PGM5: variants seen among roughly 807,000 people sequenced by gnomAD.
PGM5 encodes the protein phosphoglucomutase-like protein 5.
In PGM5, 23 loss-of-function variants were observed where a neutral mutation model predicts 59.2. The ratio of observed to expected loss-of-function variants is 0.39; its 90% confidence interval spans 0.28 to 0.55. PGM5 has a LOEUF of 0.55. Among genes scored for constraint, PGM5 ranks in the 20% least tolerant of loss-of-function variants. The pLI is 0.66. For missense variants in PGM5, 574 were observed against 748.3 expected (o/e 0.77, Z 2.72); for synonymous variants, 214 against 286.0 (o/e 0.75, Z 2.54).
chr9:68,401,917 GTGTGTGTGTGTGTA>G (rs1554680689), intron 6 of PGM5, among the ~76,000 whole-genome samples: 2,199 of 149,214 alleles, frequency 0.015, 47 homozygotes, highest in African/African-American at 0.045. Context: ...GTGTGTGTGT[GTGTGTGTGTGTGTA>G]TATATTTGTC....
At chr9:68,361,892 G>A (rs1834586568) in intron 1 of PGM5, among the ~76,000 whole-genome samples, 1 of 151,936 alleles carries the variant, frequency 6.6e-6, no homozygotes, top group Non-Finnish European at 1.5e-5. Context: ...ATTAGTGATG[G>A]TGAGATGATC....
intron 6 of PGM5, among the ~76,000 whole-genome samples, chr9:68,456,699 A>G (rs1587816113): frequency 7.0e-6 from 1 of 142,330 alleles, no homozygotes; most frequent in Non-Finnish European, 1.5e-5. Flanking sequence ...ATCTCGGCTC[A>G]CTGCAGCCTC....
chr9:68,378,931 A>T (rs534135232), intron 2 of PGM5, among the ~76,000 whole-genome samples: 41 of 152,314 alleles, frequency 2.7e-4, no homozygotes, highest in African/African-American at 9.4e-4. Flanking sequence ...CACACAAAAA[A>T]ATAGGGAGAA....
intron 6 of PGM5, among the ~76,000 whole-genome samples, chr9:68,455,879 T>C (rs1177915300): frequency 3.3e-5 from 5 of 152,258 alleles, no homozygotes; most frequent in African/African-American, 1.2e-4. Flanking sequence ...GGGTCTGAGA[T>C]AATATTGCAA....
At chr9:68,368,528 T>A (rs1427103639) in intron 1 of PGM5, among the ~76,000 whole-genome samples, 3 of 150,888 alleles carry the variant, frequency 2.0e-5, no homozygotes, top group Admixed American at 6.6e-5. Flanking sequence ...AGCAGCTTCT[T>A]AGTGAGCAGG....
chr9:68,415,817 T>TCTA (rs1563999521), intron 6 of PGM5, among the ~76,000 whole-genome samples: 20 of 46,104 alleles, frequency 4.3e-4, no homozygotes, highest in African/African-American at 1.1e-3. Flanking sequence ...CTATCTATCT[T>TCTA]ATCTATCTAT....
chr9:68,382,185 G>A (rs1822095757), intron 2 of PGM5, among the ~76,000 whole-genome samples: 1 of 151,590 alleles, frequency 6.6e-6, no homozygotes, highest in Non-Finnish European at 1.5e-5. Flanking sequence ...ATAGACCAAG[G>A]GAACAGAATA....
chr9:68,363,082 C>T (rs1477687929), intron 1 of PGM5, among the ~76,000 whole-genome samples: 6 of 151,714 alleles, frequency 4.0e-5, no homozygotes, highest in African/African-American at 1.5e-4. Context: ...GTCGGCCAGG[C>T]TGGTCTTGAA....
intron 6 of PGM5, among the ~76,000 whole-genome samples, chr9:68,410,283 TG>T (rs1554681517): frequency 2.0e-5 from 3 of 152,158 alleles, no homozygotes; most frequent in African/African-American, 7.2e-5. Flanking sequence ...AGTTGTGAAA[TG>T]GGAGTCTTCA....
chr9:68,425,247 G>A (rs746554804), intron 6 of PGM5, among the ~76,000 whole-genome samples: 4 of 152,178 alleles, frequency 2.6e-5, no homozygotes, highest in African/African-American at 9.7e-5. Context: ...CGCAGGAGAG[G>A]CAACTCACTT....
chr9:68,357,681 A>G (rs1834489610), intron 1 of PGM5: 2 of 469,320 alleles, frequency 4.3e-6, no homozygotes, highest in Admixed American at 3.8e-5. Context: ...GACTCTGCGC[A>G]CATCCCGCAC....
At chr9:68,494,008 A>T (rs1348055090) in intron 9 of PGM5, among the ~76,000 whole-genome samples, 1 of 152,158 alleles carries the variant, frequency 6.6e-6, no homozygotes, top group East Asian at 1.9e-4. Context: ...AGTAAGGAAA[A>T]CACTAAGCTG....
At position 68,393,662 on chromosome 9, in the gene PGM5, A is replaced by G. The variant is rs1299864407; in HGVS notation, c.1043+1189A>G. ...CAAATGTTGATTAGGATAGGAAGCA[A>G]CCAGAACTTTCATACATTGCAAACA... On this transcript the variant is annotated intron_variant, in intron 6 of 10. Transcript: ENST00000396396. Among the ~76,000 whole-genome samples the G allele has an allele frequency of 3.3e-5, 5 of 152,232 alleles. 1 individual carries two copies. Among genetic ancestry groups the G allele is most frequent in the Admixed American group, 3.3e-4 (5 of 15,282 alleles).
chr9:68,526,768 A>C (rs1824981581), intron 10 of PGM5, among the ~76,000 whole-genome samples: 1 of 152,218 alleles, frequency 6.6e-6, no homozygotes, highest in African/African-American at 2.4e-5. Flanking sequence ...TATCTCACCC[A>C]CATCTAATTT....
At chr9:68,365,741 C>T (rs1554676625) in intron 1 of PGM5, among the ~76,000 whole-genome samples, 3 of 151,948 alleles carry the variant, frequency 2.0e-5, no homozygotes, top group African/African-American at 7.2e-5. Flanking sequence ...TAGTAAACAT[C>T]CTGGTTTTTA....
chr9:68,472,769 G>A (rs1026746605), intron 7 of PGM5, among the ~76,000 whole-genome samples: 3 of 152,160 alleles, frequency 2.0e-5, no homozygotes, highest in African/African-American at 7.2e-5. Context: ...TGTTGCTATG[G>A]TCAGGATATC....
At chr9:68,468,731 C>G (rs1324827138) in intron 7 of PGM5, among the ~76,000 whole-genome samples, 1 of 152,190 alleles carries the variant, frequency 6.6e-6, no homozygotes, top group Non-Finnish European at 1.5e-5. Flanking sequence ...TGATATGTCT[C>G]TTAAGTCTCT....
chr9:68,418,697 GC>G (rs542439839), intron 6 of PGM5, among the ~76,000 whole-genome samples: 2 of 152,002 alleles, frequency 1.3e-5, no homozygotes, highest in Non-Finnish European at 2.9e-5. Context: ...CCTTCTGAAT[GC>G]CCTCTGAGCC....
intron 6 of PGM5, among the ~76,000 whole-genome samples, chr9:68,455,628 C>G (rs1222488531): frequency 1.3e-5 from 2 of 152,152 alleles, no homozygotes; most frequent in Non-Finnish European, 2.9e-5. Flanking sequence ...ACAGACTTGC[C>G]TTCTGCCATC....
Sources: allele counts gnomAD v4.1 joint callset (sites outside exome capture counted in the v4.1 genomes callset), GRCh38; gene constraint gnomAD v4.1.1; transcripts MANE v1.5; gene names NCBI Gene and HGNC (gene_info 2026-07-23, HGNC 2026-07-21).